The following ARHGAP5 variants were observed in gnomAD, a reference collection of about 807,000 sequenced individuals.
ARHGAP5 encodes rho GTPase-activating protein 5.
In ARHGAP5, 23 loss-of-function variants were observed where a neutral mutation model predicts 116.6. That is an observed-to-expected ratio of 0.20 (90% confidence interval 0.14 to 0.28). ARHGAP5 has a LOEUF of 0.28. Ranked by LOEUF, ARHGAP5 falls within the 10% of genes least tolerant of loss-of-function variation. The pLI, the probability that ARHGAP5 is intolerant of heterozygous loss-of-function variation, is 1.00. For synonymous variants in ARHGAP5, 574 were observed against 602.0 expected (o/e 0.95, Z 0.68); for missense variants, 1,405 against 1,774.8 (o/e 0.79, Z 3.74).
chr14:32,139,452 TA>T (rs982401213), intron 3 of ARHGAP5, among the ~76,000 whole-genome samples: 1 of 152,122 alleles, frequency 6.6e-6, no homozygotes, highest in Non-Finnish European at 1.5e-5. Context: ...GGTATATTTC[TA>T]AAAAAGTTTA....
At chr14:32,097,268 G>A (rs1327488773) in intron 2 of ARHGAP5, among the ~76,000 whole-genome samples, 2 of 152,156 alleles carry the variant, frequency 1.3e-5, no homozygotes, top group Non-Finnish European at 2.9e-5. Context: ...ACCTTGAACA[G>A]TATGTAAAAG....
intron 3 of ARHGAP5, among the ~76,000 whole-genome samples, chr14:32,119,235 AC>A (rs1466056434): frequency 1.3e-5 from 2 of 152,048 alleles, no homozygotes; most frequent in African/African-American, 4.8e-5. Flanking sequence ...TCATCAATTT[AC>A]AGCTCTCAAA....
intron 1 of ARHGAP5, among the ~76,000 whole-genome samples, chr14:32,089,941 G>A (rs2041868050): frequency 6.6e-6 from 1 of 151,562 alleles, no homozygotes; most frequent in South Asian, 2.1e-4. Context: ...CTTAATTTTG[G>A]GGGGGTATAA....
At chr14:32,143,409 A>AT (rs1354829353) in intron 3 of ARHGAP5, among the ~76,000 whole-genome samples, 14 of 151,552 alleles carry the variant, frequency 9.2e-5, no homozygotes, top group Non-Finnish European at 1.5e-4. Flanking sequence ...CGCCTGGCTA[A>AT]TTTTTTTTGT....
chr14:32,095,355 C>CT (rs1878467194), intron 2 of ARHGAP5, among the ~76,000 whole-genome samples: 1 of 147,084 alleles, frequency 6.8e-6, no homozygotes. Flanking sequence ...AAAGTATTAC[C>CT]TTTTTTTGTC....
At position 32,146,289 on chromosome 14, in the gene ARHGAP5, G is replaced by A. The variant is rs1881376966; in HGVS notation, c.3892G>A (p.Val1298Ile). ...TGLCTEGLYR[V>I]SGNKTDQDNI... ...GTTATGTACCGAAGGACTCTACCGTGTCAGCGGGAATAAAACTGACCAAGA... is the reference window on the plus strand; with the variant it reads ...GTTATGTACCGAAGGACTCTACCGTATCAGCGGGAATAAAACTGACCAAGA... Residue 1298 changes from valine (V) to isoleucine (I), a missense_variant, in exon 4 of 7, where the codon GTC (valine) becomes ATC (isoleucine). Physicochemically the swap from Val to Ile is conservative, Grantham distance 29. This residue lies in a region of ARHGAP5 where 176 missense variants were observed against 221.2 expected (regional missense o/e 0.80). Transcript: ENST00000345122. 1.3e-5 allele frequency: 21 copies of A among 1,613,224 alleles called. No homozygotes were observed. The highest frequency in any genetic ancestry group is 1.8e-5 in the Non-Finnish European group (21 of 1,179,218).
chr14:32,118,761 T>C (rs892411034), intron 3 of ARHGAP5, among the ~76,000 whole-genome samples: 7 of 152,210 alleles, frequency 4.6e-5, no homozygotes, highest in Non-Finnish European at 1.0e-4. Context: ...GAATTCTCAT[T>C]TTCTCTAGTA....
At chr14:32,124,994 A>G (rs1459336708) in intron 3 of ARHGAP5, among the ~76,000 whole-genome samples, 1 of 152,192 alleles carries the variant, frequency 6.6e-6, no homozygotes, top group East Asian at 1.9e-4. Context: ...ATTTTTTTAC[A>G]TTGCTTTTTC....
intron 5 of ARHGAP5, among the ~76,000 whole-genome samples, chr14:32,152,110 T>C (rs1881662492): frequency 6.6e-6 from 1 of 152,092 alleles, no homozygotes; most frequent in African/African-American, 2.4e-5. Flanking sequence ...GGGAACCCTA[T>C]TGTGAACCAC....
At chr14:32,125,399 T>A (rs1371004210) in intron 3 of ARHGAP5, among the ~76,000 whole-genome samples, 1 of 152,232 alleles carries the variant, frequency 6.6e-6, no homozygotes, top group Non-Finnish European at 1.5e-5. Flanking sequence ...GACATTTGGG[T>A]TATTTCCACC....
chr14:32,150,505 G>A (rs1881590771), intron 5 of ARHGAP5, among the ~76,000 whole-genome samples: 1 of 152,118 alleles, frequency 6.6e-6, no homozygotes, highest in Admixed American at 6.6e-5. Context: ...CATCAGGTGA[G>A]GGCCTTTTTG....
chr14:32,080,428 C>T (rs1016019069), intron 1 of ARHGAP5, among the ~76,000 whole-genome samples: 3 of 151,204 alleles, frequency 2.0e-5, no homozygotes, highest in African/African-American at 7.3e-5. Flanking sequence ...TAAAACAAAC[C>T]TGCACATCTA....
intron 3 of ARHGAP5, among the ~76,000 whole-genome samples, chr14:32,129,226 G>C (rs1238247047): frequency 6.6e-6 from 1 of 152,126 alleles, no homozygotes; most frequent in Admixed American, 6.6e-5. Flanking sequence ...TTAGTGGAAA[G>C]GCTTTGTGAC....
intron 3 of ARHGAP5, among the ~76,000 whole-genome samples, chr14:32,127,267 G>A (rs1459377682): frequency 6.6e-6 from 1 of 152,076 alleles, no homozygotes; most frequent in Non-Finnish European, 1.5e-5. Context: ...GAGAAGGTCA[G>A]CAGATAAACA....
At chr14:32,086,310 T>A (rs1476781657) in intron 1 of ARHGAP5, among the ~76,000 whole-genome samples, 1 of 152,118 alleles carries the variant, frequency 6.6e-6, no homozygotes, top group African/African-American at 2.4e-5. Flanking sequence ...TTGACAGGAC[T>A]TGCTTTTTAT....
chr14:32,083,661 G>A (rs1295187564), intron 1 of ARHGAP5, among the ~76,000 whole-genome samples: 1 of 152,108 alleles, frequency 6.6e-6, no homozygotes. Context: ...TTCCTTTAAA[G>A]CTTACACCTC....
intron 2 of ARHGAP5, among the ~76,000 whole-genome samples, chr14:32,103,310 A>G (rs1398830482): frequency 6.6e-6 from 1 of 152,208 alleles, no homozygotes; most frequent in Non-Finnish European, 1.5e-5. Context: ...TTTCAAATTC[A>G]GATTGAAATG....
At chr14:32,146,186 C>A in intron 3 of ARHGAP5, 77 bp from the exon 4 acceptor site, 1 of 1,120,776 alleles carries the variant, frequency 8.9e-7, no homozygotes, top group Non-Finnish European at 1.3e-6. Context: ...GCTGGGATTA[C>A]AAACATGAGC....
intron 3 of ARHGAP5, among the ~76,000 whole-genome samples, chr14:32,123,322 C>G (rs1030003809): frequency 7.2e-5 from 11 of 151,842 alleles, no homozygotes; most frequent in African/African-American, 2.4e-4. Flanking sequence ...ATTTCCCACT[C>G]CTTATTCGTG....
Sources: allele counts gnomAD v4.1 joint callset (sites outside exome capture counted in the v4.1 genomes callset), GRCh38; gene constraint gnomAD v4.1.1; regional missense constraint gnomAD v4.1.1; transcripts MANE v1.5; gene names NCBI Gene and HGNC (gene_info 2026-07-23, HGNC 2026-07-21).